The following VPS13A variants were observed in gnomAD, a reference collection of about 807,000 sequenced individuals.
VPS13A encodes vacuolar protein sorting 13 homolog A.
Under a neutral mutation model 390.9 loss-of-function variants are expected in VPS13A, and 264 were observed. That is an observed-to-expected ratio of 0.68 (90% CI 0.61 to 0.75). VPS13A has a LOEUF of 0.75. Among genes scored for constraint, VPS13A ranks in the 30% least tolerant of loss-of-function variants. The pLI is 0.00. For missense variants in VPS13A, 3,409 were observed against 3,733.9 expected, an observed-to-expected ratio of 0.91 and a Z score of 2.27; for synonymous variants, 1,231 against 1,227.1, an observed-to-expected ratio of 1.00 and a Z score of -0.07.
intron 31 of VPS13A, among the ~76,000 whole-genome samples, chr9:77,286,409 T>C (rs923698526): frequency 6.6e-6 from 1 of 152,222 alleles, no homozygotes; most frequent in Non-Finnish European, 1.5e-5. Flanking sequence ...TATGCTGGTA[T>C]CACCAATCAT....
intron 1 of VPS13A, among the ~76,000 whole-genome samples, chr9:77,179,223 T>C (rs1823850777): frequency 6.6e-6 from 1 of 152,220 alleles, no homozygotes; most frequent in Non-Finnish European, 1.5e-5. Flanking sequence ...ATCAACTTAT[T>C]TATTTGTTTA....
In VPS13A at chr9:77,344,255, T is replaced by C. The variant is rs1438436648; in HGVS notation, c.7129T>C (p.Cys2377Arg). Residue 2377 changes from cysteine (C) to arginine (R), a missense_variant, in exon 51 of 72, where the codon TGT (cysteine) becomes CGT (arginine). Transcript: ENST00000360280. ...GATATATTTTAACAAGCAGGAAAAT[T>C]GTATTCTATTGCGTCTAGATAACGA... The part of the protein sequence containing the change: ...KRIYFNKQEN[C>R]ILLRLDNELG... 1.2e-6 allele frequency: 2 copies of C among 1,613,410 alleles called. No individual in the cohort carries two copies. Among genetic ancestry groups the C allele is most frequent in the Non-Finnish European group, 8.5e-7 (1 of 1,179,728 alleles).
intron 21 of VPS13A, among the ~76,000 whole-genome samples, chr9:77,252,023 G>A (rs1361925514): frequency 6.6e-6 from 1 of 151,946 alleles, no homozygotes; most frequent in African/African-American, 2.4e-5. Context: ...ACTTTTTTGG[G>A]TAAGGTATGT....
At chr9:77,313,585 G>GA (rs1402547493) in intron 35 of VPS13A, among the ~76,000 whole-genome samples, 4 of 152,092 alleles carry the variant, frequency 2.6e-5, no homozygotes, top group Non-Finnish European at 5.9e-5. Flanking sequence ...CTGATTAGTA[G>GA]AAAAATTTTA....
chr9:77,247,131 C>G, intron 19 of VPS13A, 128 bp from the exon 20 acceptor site: 1 of 758,852 alleles, frequency 1.3e-6, no homozygotes, highest in South Asian at 2.7e-5. Flanking sequence ...AAGTATTTTG[C>G]TGAGGTCATT....
chr9:77,235,737 T>C (rs112698609), intron 17 of VPS13A, among the ~76,000 whole-genome samples: 1 of 152,204 alleles, frequency 6.6e-6, no homozygotes, highest in Non-Finnish European at 1.5e-5. Flanking sequence ...CATTATTCTT[T>C]ATGCTCCACA....
chr9:77,400,530 CAA>C (rs1834334884), intron 68 of VPS13A, among the ~76,000 whole-genome samples: 1 of 151,716 alleles, frequency 6.6e-6, no homozygotes, highest in Non-Finnish European at 1.5e-5. Flanking sequence ...TTTCCCACTT[CAA>C]GATTATTAAA....
intron 41 of VPS13A, among the ~76,000 whole-genome samples, chr9:77,319,236 C>A: frequency 1.3e-5 from 2 of 148,790 alleles, no homozygotes; most frequent in Admixed American, 6.7e-5. Flanking sequence ...AAGTTGAATA[C>A]CCTTTTTTTT....
chr9:77,308,159 T>G (rs1460872249), intron 35 of VPS13A, 61 bp downstream of exon 35: 1 of 1,555,742 alleles, frequency 6.4e-7, no homozygotes, highest in Admixed American at 1.7e-5. Context: ...TCTTCTATCT[T>G]CTTCCCTCCC....
intron 47 of VPS13A, chr9:77,338,905 A>G (rs1484900901): frequency 1.3e-5 from 2 of 152,612 alleles, no homozygotes; most frequent in Non-Finnish European, 1.5e-5. Context: ...CAATTGAGCC[A>G]TGGTGTGGGG....
intron 57 of VPS13A, among the ~76,000 whole-genome samples, chr9:77,358,734 GAAC>G (rs1298148134): frequency 2.0e-5 from 3 of 152,164 alleles, no homozygotes; most frequent in African/African-American, 4.8e-5. Flanking sequence ...GCCTTTGAAT[GAAC>G]AATAAGGAAG....
Position 77,281,376 on chromosome 9 carries a change from A to G in VPS13A, c.2905-491A>G, listed in dbSNP as rs1180277971. Among the ~76,000 whole-genome samples the G allele has an allele frequency of 2.0e-5, 3 of 152,332 alleles. No homozygotes were observed. The South Asian group carries it at 6.2e-4, about 32-fold the overall frequency. ...AATTTAATCATTTAACATTGTGTAC[A>G]TATATCAAAACATCACATTGTCCTC... On this transcript the variant is annotated intron_variant, in intron 27 of 71. Coordinates refer to ENST00000360280, the MANE Select transcript of VPS13A (RefSeq NM_033305.3).
At chr9:77,325,401 GTTTT>G (rs566722890) in intron 45 of VPS13A, among the ~76,000 whole-genome samples, 2 of 123,412 alleles carry the variant, frequency 1.6e-5, no homozygotes, top group Non-Finnish European at 3.5e-5. Context: ...GTTAGACCTT[GTTTT>G]TTTTTTTTTT....
intron 31 of VPS13A, among the ~76,000 whole-genome samples, chr9:77,288,343 T>C (rs2131361201): frequency 6.6e-6 from 1 of 152,304 alleles, no homozygotes; most frequent in South Asian, 2.1e-4. Flanking sequence ...TTTAATATGC[T>C]CTTCTTAAGG....
intron 19 of VPS13A, among the ~76,000 whole-genome samples, chr9:77,242,152 A>G (rs895946531): frequency 3.3e-5 from 5 of 152,176 alleles, no homozygotes; most frequent in Admixed American, 6.5e-5. Flanking sequence ...TTTGGTGGCT[A>G]TAAAACCTGG....
At chr9:77,338,331 T>A (rs1252505151) in intron 47 of VPS13A, 1 of 152,214 alleles carries the variant, frequency 6.6e-6, no homozygotes, top group Non-Finnish European at 1.5e-5. Context: ...TTTATGGTTT[T>A]AAATGTGTAT....
rs993269020 is a variant in VPS13A, at chr9:77,321,858, G to GT, written c.5830+119dup. The GT allele has an allele frequency of 1.0e-5, 14 of 1,342,054 alleles. No homozygotes were observed. The African/African-American group carries it at 1.8e-4, about 17-fold the overall frequency. 83.1% of individuals were successfully genotyped at this position (1,342,054 alleles called of 1,614,324 possible). ...CAAGGTTTTTTTTGTTTTTGTTTTT[G>GT]TTTTTTTAAAATATCCTTTCTAATA... On this transcript the variant is annotated intron_variant, in intron 44 of 71. Coordinates refer to ENST00000360280, the MANE Select transcript of VPS13A (RefSeq NM_033305.3).
intron 58 of VPS13A, 54 bp downstream of exon 58, chr9:77,359,456 A>G (rs1298793112): frequency 1.7e-5 from 25 of 1,433,204 alleles, no homozygotes; most frequent in Non-Finnish European, 2.2e-5. Context: ...ATTTAAATAT[A>G]TGAATTGTTT....
At chr9:77,270,920 A>T (rs538827709) in intron 23 of VPS13A, among the ~76,000 whole-genome samples, 1 of 152,312 alleles carries the variant, frequency 6.6e-6, no homozygotes, top group African/African-American at 2.4e-5. Context: ...GGAACAAAAA[A>T]TGTAGGTTAA....
Sources: gnomAD v4.1 joint callset for allele counts (sites outside exome capture counted in the v4.1 genomes callset) on GRCh38, gnomAD v4.1.1 for gene constraint, MANE v1.5 for transcripts, NCBI Gene and HGNC (gene_info 2026-07-23, HGNC 2026-07-21) for gene names.